UBLCP1: variants seen among roughly 807,000 people sequenced by gnomAD.
UBLCP1 encodes the protein ubiquitin-like domain-containing CTD phosphatase 1.
UBLCP1 carries 28 observed loss-of-function variants against 42.4 expected under a neutral mutation model. That is an observed-to-expected ratio of 0.66 (90% CI 0.49 to 0.90). UBLCP1 has a LOEUF of 0.90. Ranked by LOEUF, UBLCP1 falls within the 40% of genes least tolerant of loss-of-function variation. UBLCP1 has a pLI of 0.00. For missense variants in UBLCP1, 279 were observed against 374.5 expected (o/e 0.75, Z 2.10); for synonymous variants, 122 against 120.8 (o/e 1.01, Z -0.07).
At chr5:159,271,965 A>G in intron 5 of UBLCP1, 58 bp from the exon 6 acceptor site, 1 of 1,169,408 alleles carries the variant, frequency 8.6e-7, no homozygotes, top group Non-Finnish European at 1.3e-6. Flanking sequence ...AATAATTGGT[A>G]TTAGGTACTT....
rs1376730254 is a variant in UBLCP1 at position 159,285,404 on chromosome 5, AC to A, written c.*474del. The A allele has an allele frequency of 1.3e-5, 2 of 152,356 alleles. No individual in the cohort carries two copies. Among genetic ancestry groups the A allele is most frequent in the South Asian group, 2.1e-4 (1 of 4,834 alleles). The allele number at this position is 152,356 out of a possible 1,614,324, so 9.4% of individuals were successfully genotyped here. A position where few individuals can be genotyped will look rare whatever the true frequency, so the allele number is the denominator to read the frequency against. ...CTTTAAAAACAAACCAAAAAAAAAA[AC>A]AAAAAAAAACTTTTTAATTAAAGAA... On this transcript the variant is annotated 3_prime_UTR_variant, in exon 11 of 11. Coordinates refer to ENST00000296786, the MANE Select transcript of UBLCP1 (RefSeq NM_145049.5).
At chr5:159,272,668 A>G (rs1476394745) in intron 6 of UBLCP1, among the ~76,000 whole-genome samples, 2 of 152,244 alleles carry the variant, frequency 1.3e-5, no homozygotes, top group African/African-American at 4.8e-5. Context: ...ACAAAATCAC[A>G]GTGATATAGT....
rs1753672047 is a variant in UBLCP1 at position 159,285,744 on chromosome 5, A to T, written c.*813A>T. On this transcript the variant is annotated 3_prime_UTR_variant, in exon 11 of 11. Transcript: ENST00000296786. ...AATAAATTTTTAAAAGGGACATATCACTGATTCATTCCTAAAAAGCATGAA... is the reference window on the plus strand; with the variant it reads ...AATAAATTTTTAAAAGGGACATATCTCTGATTCATTCCTAAAAAGCATGAA... 1 of 152,616 alleles carries T rather than the reference A, an allele frequency of 6.6e-6. No homozygotes were observed. Among genetic ancestry groups the T allele is most frequent in the South Asian group, 2.1e-4 (1 of 4,838 alleles). 9.5% of individuals were successfully genotyped at this position (152,616 alleles called of 1,614,324 possible).
In UBLCP1 at chr5:159,278,356, T is replaced by A. The variant is rs1753563585; in HGVS notation, c.801+2T>A. 6.3e-7 allele frequency: 1 copy of A among 1,583,050 alleles called. No individual in the cohort carries two copies. Among genetic ancestry groups the A allele is most frequent in the South Asian group, 1.1e-5 (1 of 90,424 alleles). Reference sequence around the variant, plus strand: ...ATGAACCCACAGAATGGACTAAAGGTAAGACATACTTTTACTTGTTATGTG... The same window carrying A: ...ATGAACCCACAGAATGGACTAAAGGAAAGACATACTTTTACTTGTTATGTG... On this transcript the variant is annotated splice_donor_variant, in intron 9 of 10. Coordinates refer to ENST00000296786, the MANE Select transcript of UBLCP1 (RefSeq NM_145049.5). LOFTEE classifies it high-confidence loss of function.
At chr5:159,268,156 G>A (rs897431459) in intron 1 of UBLCP1, among the ~76,000 whole-genome samples, 2 of 151,502 alleles carry the variant, frequency 1.3e-5, no homozygotes, top group Admixed American at 6.6e-5. Flanking sequence ...TAATGAGATT[G>A]TGTAAAAACT....
At position 159,285,723 on chromosome 5, in the gene UBLCP1, A is replaced by C. The variant is rs968206613; in HGVS notation, c.*792A>C. ...GTCATAAAAGCAGTTAAAGGCAATA[A>C]ATTTTTAAAAGGGACATATCACTGA... On this transcript the variant is annotated 3_prime_UTR_variant, in exon 11 of 11. Coordinates refer to ENST00000296786, the MANE Select transcript of UBLCP1 (RefSeq NM_145049.5). The C allele has an allele frequency of 6.6e-6, 1 of 152,610 alleles. No homozygotes were observed. The highest frequency in any genetic ancestry group is 6.5e-5 in the Admixed American group (1 of 15,306). 9.5% of individuals were successfully genotyped at this position (152,610 alleles called of 1,614,324 possible).
intron 3 of UBLCP1, 87 bp downstream of exon 3, chr5:159,270,086 A>T (rs1753445824): frequency 8.4e-7 from 1 of 1,187,306 alleles, no homozygotes; most frequent in Non-Finnish European, 1.2e-6. Flanking sequence ...TAATTGTGGT[A>T]AAATTGTCAG....
chr5:159,275,110 C>T (rs2113316861), intron 7 of UBLCP1, 38 bp from the exon 8 acceptor site: 2 of 1,572,930 alleles, frequency 1.3e-6, no homozygotes, highest in Middle Eastern at 1.7e-4. Context: ...ATTTTCCACA[C>T]TACTATGTTT....
At chr5:159,282,577 C>G (rs1753621141) in intron 9 of UBLCP1, among the ~76,000 whole-genome samples, 1 of 152,040 alleles carries the variant, frequency 6.6e-6, no homozygotes, top group Non-Finnish European at 1.5e-5. Context: ...TGAAATAATG[C>G]TTTTTAAACT....
intron 9 of UBLCP1, 31 bp downstream of exon 9, chr5:159,278,385 A>T (rs1245643762): frequency 3.5e-6 from 5 of 1,440,018 alleles, no homozygotes; most frequent in Non-Finnish European, 4.9e-6. Context: ...TTATGTGCTC[A>T]TGTAATCTGG....
chr5:159,271,970 G>A, intron 5 of UBLCP1, 53 bp from the exon 6 acceptor site: 1 of 1,238,624 alleles, frequency 8.1e-7, no homozygotes, highest in Non-Finnish European at 1.2e-6. Flanking sequence ...TTGGTATTAG[G>A]TACTTGTTCA....
At chr5:159,274,915 A>T (rs892309956) in intron 7 of UBLCP1, among the ~76,000 whole-genome samples, 20 of 152,158 alleles carry the variant, frequency 1.3e-4, no homozygotes, top group African/African-American at 4.8e-4. Flanking sequence ...ATACTTAAAG[A>T]GTCAGTATTC....
rs141744083 is a variant in UBLCP1, at chr5:159,264,647, G to A, written c.-47+1287G>A. On this transcript the variant is annotated intron_variant, in intron 1 of 10. Transcript: ENST00000296786. ...TTTTTAAGGCTGAAAACATTGAAGA[G>A]CCTGTAGTACTGACTCTCAAATTTG... 3.4e-3 allele frequency among the ~76,000 whole-genome samples: 514 copies of A among 152,298 alleles called. 2 individuals are homozygous for A. Among genetic ancestry groups the A allele is most frequent in the African/African-American group, 0.012 (496 of 41,550 alleles).
intron 8 of UBLCP1, 134 bp downstream of exon 8, chr5:159,275,380 GA>G (rs1451586533): frequency 1.3e-5 from 6 of 454,378 alleles, no homozygotes; most frequent in East Asian, 1.3e-4. Flanking sequence ...TTTGACATAG[GA>G]AAATGTATTT....
In UBLCP1 at chr5:159,283,277, G is replaced by T; in HGVS notation, c.867G>T (p.Gln289His). ...ACAAAGAACTTTTAAAATTAACTCA[G>T]TACCTCAAGGAGATAGCAAAATTAG... ...DKDKELLKLT[Q>H]YLKEIAKLDD... Residue 289 changes from glutamine to histidine, a missense_variant, in exon 10 of 11, where the codon CAG becomes CAT. Physicochemically the swap from Gln to His is conservative, Grantham distance 24 (BLOSUM62 0). Transcript: ENST00000296786. 6.2e-7 allele frequency: 1 copy of T among 1,606,448 alleles called. No homozygotes were observed. Among genetic ancestry groups the T allele is most frequent in the East Asian group, 2.2e-5 (1 of 44,588 alleles).
intron 2 of UBLCP1, 146 bp from the exon 3 acceptor site, chr5:159,269,762 C>A: frequency 1.5e-6 from 1 of 668,082 alleles, no homozygotes; most frequent in Non-Finnish European, 2.6e-6. Context: ...TCAGCAGAAA[C>A]AATTTGTTAA....
chr5:159,275,916 G>A (rs1753530499), intron 8 of UBLCP1, among the ~76,000 whole-genome samples: 1 of 152,084 alleles, frequency 6.6e-6, no homozygotes, highest in African/African-American at 2.4e-5. Context: ...TTTGAAACTG[G>A]TAATAAAAGC....
At chr5:159,270,809 A>G (rs985095906) in intron 5 of UBLCP1, among the ~76,000 whole-genome samples, 166 bp downstream of exon 5, 14 of 149,764 alleles carry the variant, frequency 9.3e-5, no homozygotes, top group African/African-American at 2.7e-4. Flanking sequence ...AGATAAGCAA[A>G]AAAAAAAGTC....
intron 1 of UBLCP1, 118 bp from the exon 2 acceptor site, chr5:159,268,752 A>G (rs1753427424): frequency 2.8e-6 from 2 of 702,772 alleles, no homozygotes; most frequent in South Asian, 2.3e-5. Context: ...TGTATGGACA[A>G]AAATCCTCTC....
Sources: allele counts gnomAD v4.1 joint callset (sites outside exome capture counted in the v4.1 genomes callset), GRCh38; gene constraint gnomAD v4.1.1; transcripts MANE v1.5; gene names NCBI Gene and HGNC (gene_info 2026-07-23, HGNC 2026-07-21).